Variants in UNC79 observed in about 807,000 individuals in gnomAD.
The protein encoded by UNC79 is unc-79 subunit of NALCN channel complex.
A neutral mutation model predicts 283.1 loss-of-function variants in UNC79; 37 were observed. That is an observed-to-expected ratio of 0.13 (90% CI 0.10 to 0.17). UNC79 has a LOEUF of 0.17. Ranked by LOEUF, UNC79 falls within the 10% of genes least tolerant of loss-of-function variation. The pLI is 1.00. For missense variants in UNC79, 2,272 were observed against 3,211.1 expected (o/e 0.71, Z 7.07); for synonymous variants, 1,107 against 1,200.2 (o/e 0.92, Z 1.61).
At chr14:93,597,477 C>T in exon 24 of UNC79, 1 of 1,614,148 alleles carries the variant, frequency 6.2e-7, no homozygotes, top group Non-Finnish European at 8.5e-7. Context: ...TGGAGGATGT[C>T]AACCCCGCAG....
At chr14:93,463,393 C>T (rs1301385968) in intron 1 of UNC79, among the ~76,000 whole-genome samples, 1 of 152,136 alleles carries the variant, frequency 6.6e-6, no homozygotes, top group Non-Finnish European at 1.5e-5. Flanking sequence ...GTGCAAGACT[C>T]TTCATCATCT....
chr14:93,347,010 G>C lies in UNC79; in HGVS notation c.-351+13487G>C, dbSNP rs1465981031. ...TGGAAGGGGTGGTGCAGAGCAAGTG[G>C]TGCTAAGCAGAGGGGGTGGGGCAAA... On this transcript the variant is annotated intron_variant, in intron 1 of 49. Transcript: ENST00000256339. Among the ~76,000 whole-genome samples, 3 of 151,584 alleles carry C rather than the reference G, an allele frequency of 2.0e-5. No individual in the cohort carries two copies. In the South Asian group the frequency reaches 6.3e-4, roughly 32 times the overall value.
intron 16 of UNC79, among the ~76,000 whole-genome samples, 154 bp downstream of exon 16, chr14:93,572,970 A>C (rs868020328): frequency 3.3e-5 from 5 of 152,204 alleles, no homozygotes; most frequent in African/African-American, 1.2e-4. Context: ...TAAATGAGTA[A>C]ATTTCAAATA....
intron 2 of UNC79, among the ~76,000 whole-genome samples, chr14:93,472,445 A>C (rs566846763): frequency 1.5e-5 from 2 of 132,520 alleles, no homozygotes; most frequent in East Asian, 2.2e-4. Flanking sequence ...ATCACACACA[A>C]AAAGGTAAAT....
At chr14:93,586,666 C>A (rs1230070411) in exon 21 of UNC79, 1 of 1,613,478 alleles carries the variant, frequency 6.2e-7, no homozygotes, top group East Asian at 2.2e-5. Flanking sequence ...TAATATATAC[C>A]ATTTTCCAGG....
chr14:93,347,414 T>A (rs1209634587), intron 1 of UNC79: 1 of 1,460,258 alleles, frequency 6.8e-7, no homozygotes, highest in Non-Finnish European at 9.0e-7. Context: ...GGCCCAGCCA[T>A]CATGGTGGGC....
At chr14:93,591,843 G>A (rs1237010436) in intron 22 of UNC79, among the ~76,000 whole-genome samples, 3 of 152,194 alleles carry the variant, frequency 2.0e-5, no homozygotes, top group African/African-American at 7.2e-5. Context: ...ACTGTGATTT[G>A]CAATTTACTG....
At chr14:93,542,004 C>CAAA (rs745650977) in intron 13 of UNC79, among the ~76,000 whole-genome samples, 44 of 59,870 alleles carry the variant, frequency 7.3e-4, no homozygotes, top group Non-Finnish European at 1.1e-3. Flanking sequence ...GACTCCATCT[C>CAAA]AAAAAAAAAA....
At chr14:93,574,635 A>T (rs1409008776) in intron 16 of UNC79, among the ~76,000 whole-genome samples, 2 of 152,174 alleles carry the variant, frequency 1.3e-5, no homozygotes, top group Non-Finnish European at 2.9e-5. Flanking sequence ...AATGACAGAG[A>T]AAGTGACTTG....
Position 93,531,770 on chromosome 14 carries a change from C to G in UNC79, c.1094-780C>G, listed in dbSNP as rs1447600030. Among the ~76,000 whole-genome samples the G allele has an allele frequency of 6.6e-6, 1 of 152,158 alleles. No individual in the cohort carries two copies. The highest frequency in any genetic ancestry group is 6.5e-5 in the Admixed American group (1 of 15,278). On this transcript the variant is annotated intron_variant, in intron 10 of 48. Transcript: ENST00000555664. The surrounding 1 kb of genome is among the most constrained non-coding windows in gnomAD (Gnocchi z 4.2). ...CAGTGTCATAGTATAATGGGAAGAA[C>G]AGTAAATGGGGAATTTGGAGACTTG...
At chr14:93,618,290 T>C (rs765486380) in exon 29 of UNC79, 3 of 1,614,056 alleles carry the variant, frequency 1.9e-6, no homozygotes. Flanking sequence ...GCAAGCCCCA[T>C]GCCACGGCAG....
chr14:93,614,635 TAA>T (rs60270149), intron 27 of UNC79, among the ~76,000 whole-genome samples: 48 of 138,774 alleles, frequency 3.5e-4, no homozygotes, highest in East Asian at 4.2e-4. Flanking sequence ...TGTGTGTGTT[TAA>T]AAAAAAAAAA....
intron 6 of UNC79, among the ~76,000 whole-genome samples, chr14:93,496,840 A>G (rs941672013): frequency 6.6e-6 from 1 of 152,178 alleles, no homozygotes; most frequent in African/African-American, 2.4e-5. Flanking sequence ...CAAATATGGT[A>G]TTTGGCAAAC....
rs1323712625 is a variant in UNC79 at position 93,474,431 on chromosome 14, A to G, written c.448+38A>G. 1 of 1,514,044 alleles carries G rather than the reference A, an allele frequency of 6.6e-7. No individual in the cohort carries two copies. Among genetic ancestry groups the G allele is most frequent in the South Asian group, 1.3e-5 (1 of 79,972 alleles). 93.8% of individuals were successfully genotyped at this position (1,514,044 alleles called of 1,614,324 possible). ...CTGAAACCTTTGGAAATGTACGTGGATGCTTATGAATGTATATGATGCTGA... is the reference window on the plus strand; with the variant it reads ...CTGAAACCTTTGGAAATGTACGTGGGTGCTTATGAATGTATATGATGCTGA... On this transcript the variant is annotated intron_variant, in intron 3 of 48. Coordinates refer to ENST00000555664, the Ensembl canonical transcript of UNC79. The surrounding 1 kb of genome is among the most constrained non-coding windows in gnomAD (Gnocchi z 4.1).
intron 44 of UNC79, chr14:93,689,847 CA>C (rs2074552661): frequency 2.5e-6 from 1 of 402,884 alleles, no homozygotes; most frequent in Non-Finnish European, 4.4e-6. Flanking sequence ...AGAAGCTAGT[CA>C]GAGAGGCAGT....
At chr14:93,370,652 G>A (rs2054424669) in intron 1 of UNC79, among the ~76,000 whole-genome samples, 2 of 152,110 alleles carry the variant, frequency 1.3e-5, no homozygotes, top group Admixed American at 1.3e-4. Flanking sequence ...CATGCCTGTA[G>A]TCCTGGCTAC....
chr14:93,485,301 C>T (rs1412126661), intron 4 of UNC79, among the ~76,000 whole-genome samples: 1 of 149,962 alleles, frequency 6.7e-6, no homozygotes, highest in Non-Finnish European at 1.5e-5. Flanking sequence ...TTTCTCTTTT[C>T]TTTTTTTTAA....
rs554089877 is a variant in UNC79 at position 93,389,664 on chromosome 14, T to C, written c.-351+56141T>C. Among the ~76,000 whole-genome samples, 609 of 151,958 alleles carry C rather than the reference T, an allele frequency of 4.0e-3. 3 individuals are homozygous for C. Among genetic ancestry groups the C allele is most frequent in the Non-Finnish European group, 7.1e-3 (479 of 67,930 alleles). ...AAGAAAAGTGGGAGCTTTTTTTTTT[T>C]TTTTTAAGATGGAGTCTCACTCTGC... On this transcript the variant is annotated intron_variant, in intron 1 of 49. Coordinates refer to the UNC79 transcript ENST00000256339.
In UNC79 at chr14:93,372,147, A is replaced by G. The variant is rs959339153; in HGVS notation, c.-351+38624A>G. 4.6e-5 allele frequency among the ~76,000 whole-genome samples: 7 copies of G among 152,138 alleles called. No individual in the cohort carries two copies. The East Asian group carries it at 1.4e-3, about 29-fold the overall frequency. ...AGGAACACTAAAGAAGGAATAAGTG[A>G]AGATAAAATACTTTAATTTTTCTTC... On this transcript the variant is annotated intron_variant, in intron 1 of 49. Coordinates refer to the UNC79 transcript ENST00000256339.
Sources: gnomAD v4.1 joint callset for allele counts (sites outside exome capture counted in the v4.1 genomes callset) on GRCh38, gnomAD v4.1.1 for gene constraint, Gnocchi (gnomAD v3.1) non-coding constraint, MANE v1.5 for transcripts, NCBI Gene and HGNC (gene_info 2026-07-23, HGNC 2026-07-21) for gene names.